TTC7A: variants seen among roughly 807,000 people sequenced by gnomAD.
TTC7A encodes the protein tetratricopeptide repeat domain 7A.
A neutral mutation model predicts 103.7 loss-of-function variants in TTC7A; 110 were observed. The ratio of observed to expected loss-of-function variants is 1.06; its 90% CI spans 0.91 to 1.24. The LOEUF is 1.24. Among genes scored for constraint, TTC7A ranks in the 50% most tolerant of loss-of-function variants. The pLI is 0.00. For synonymous variants in TTC7A, 521 were observed against 467.9 expected, an observed-to-expected ratio of 1.11 and a Z score of -1.47; for missense variants, 1,340 against 1,116.3, an observed-to-expected ratio of 1.20 and a Z score of -2.86.
At chr2:47,062,828 C>T (rs1308856375) in intron 19 of TTC7A, among the ~76,000 whole-genome samples, 1 of 152,200 alleles carries the variant, frequency 6.6e-6, no homozygotes, top group Non-Finnish European at 1.5e-5. Flanking sequence ...GCAGATGTTT[C>T]TGAAATGGTC....
At chr2:46,982,971 AAAAT>A (rs1249050009) in intron 5 of TTC7A, among the ~76,000 whole-genome samples, 1 of 152,186 alleles carries the variant, frequency 6.6e-6, no homozygotes, top group African/African-American at 2.4e-5. Flanking sequence ...CTCTCTCAAA[AAAAT>A]AAATAAATAA....
chr2:47,008,814 G>A (rs1458909908), intron 10 of TTC7A, among the ~76,000 whole-genome samples: 4 of 151,994 alleles, frequency 2.6e-5, no homozygotes, highest in Non-Finnish European at 2.9e-5. Flanking sequence ...AGGAATAATG[G>A]ATGAGTTCCG....
intron 8 of TTC7A, among the ~76,000 whole-genome samples, chr2:46,996,963 G>A (rs1177786175): frequency 1.4e-5 from 2 of 144,446 alleles, no homozygotes; most frequent in African/African-American, 5.2e-5. Flanking sequence ...TTTTTTTGTG[G>A]TGGTTGTTGT....
intron 18 of TTC7A, among the ~76,000 whole-genome samples, chr2:47,053,310 TG>T (rs1683023979): frequency 6.6e-6 from 1 of 152,160 alleles, no homozygotes; most frequent in African/African-American, 2.4e-5. Flanking sequence ...AAGATTCTAA[TG>T]ACTTCTAAGA....
rs202044972 is a variant in TTC7A, at chr2:47,073,861, G to A, written c.2515G>A (p.Ala839Thr). The A allele has an allele frequency of 1.2e-5, 19 of 1,613,650 alleles. No individual in the cohort carries two copies. The highest frequency in any genetic ancestry group is 6.7e-5 in the East Asian group (3 of 44,870). Residue 839 changes from alanine to threonine, a missense_variant, in exon 20 of 20, where the codon GCC becomes ACC. By Grantham distance (58) the Ala-to-Thr change is moderately conservative. Coordinates refer to ENST00000319190, the MANE Select transcript of TTC7A (RefSeq NM_020458.4). ...GGCTGCCGTTGACTGCTTCCTCACC[G>A]CCCTTGAGCTGGAGGCCAGCAGCCC... ...NEAAVDCFLTALELEASSPVL... is the reference protein window; with the variant it reads ...NEAAVDCFLTTLELEASSPVL...
intron 3 of TTC7A, among the ~76,000 whole-genome samples, chr2:46,960,025 C>T (rs768193298): frequency 2.0e-5 from 3 of 152,182 alleles, no homozygotes; most frequent in Non-Finnish European, 4.4e-5. Flanking sequence ...GTTTCCATGT[C>T]CAGGTGGTCT....
At chr2:47,055,153 C>G (rs1683214886) in intron 18 of TTC7A, among the ~76,000 whole-genome samples, 1 of 152,084 alleles carries the variant, frequency 6.6e-6, no homozygotes, top group Admixed American at 6.5e-5. Context: ...CATCCCCCCG[C>G]CAAACCCTGC....
At chr2:47,052,128 C>T (rs530027956) in intron 18 of TTC7A, among the ~76,000 whole-genome samples, 2 of 152,284 alleles carry the variant, frequency 1.3e-5, no homozygotes, top group Admixed American at 6.5e-5. Context: ...CCTGAGAGGC[C>T]ACACAGATGG....
At chr2:47,004,980 C>T (rs1677220984) in intron 8 of TTC7A, among the ~76,000 whole-genome samples, 1 of 152,136 alleles carries the variant, frequency 6.6e-6, no homozygotes, top group Admixed American at 6.5e-5. Context: ...TGATGGGGAG[C>T]TTCTGGCTTG....
chr2:47,029,335 G>T lies in TTC7A; in HGVS notation c.1753G>T (p.Ala585Ser). 1 of 1,614,072 alleles carries T rather than the reference G, an allele frequency of 6.2e-7. No homozygotes were observed. Among genetic ancestry groups the T allele is most frequent in the Non-Finnish European group, 8.5e-7 (1 of 1,180,036 alleles). Residue 585 changes from alanine (A) to serine (S), a missense_variant, in exon 15 of 20, where the codon GCC becomes TCC. By Grantham distance (99) the Ala-to-Ser change is moderately conservative (BLOSUM62 1). Transcript: ENST00000319190. ...LFSAQKHHQH[A>S]LDVVNMAITE... ...CTCTGCCCAGAAGCACCACCAGCAT[G>T]CCCTGGATGTTGTCAACATGGCCAT...
chr2:47,064,404 T>C (rs560506018), intron 19 of TTC7A, among the ~76,000 whole-genome samples: 8 of 152,348 alleles, frequency 5.3e-5, no homozygotes, highest in Non-Finnish European at 1.2e-4. Context: ...CTGAATTCAC[T>C]GGCAGAAAAT....
intron 1 of TTC7A, among the ~76,000 whole-genome samples, chr2:46,948,907 T>C (rs867715846): frequency 1.3e-5 from 2 of 152,178 alleles, no homozygotes; most frequent in African/African-American, 4.8e-5. Flanking sequence ...CAAGCAGGCA[T>C]TCCTAGGGAT....
rs576989770 is a variant in TTC7A, at chr2:47,075,701, A to T, written c.*1778A>T. On this transcript the variant is annotated 3_prime_UTR_variant, in exon 20 of 20. Coordinates refer to ENST00000319190, the MANE Select transcript of TTC7A (RefSeq NM_020458.4). ...AAGACCTGGGCCCACCTGGGGAGGG[A>T]TGTGGGAAAGGAAGGATGGGAGGGA... is the stretch of plus-strand genomic sequence containing the variant. 3 of 152,380 alleles carry T rather than the reference A, an allele frequency of 2.0e-5. No homozygotes were observed. The highest frequency in any genetic ancestry group is 4.8e-5 in the African/African-American group (2 of 41,516). 9.4% of individuals were successfully genotyped at this position (152,380 alleles called of 1,614,324 possible). A position where few individuals can be genotyped will look rare whatever the true frequency, so the allele number is the denominator to read the frequency against.
intron 3 of TTC7A, 111 bp from the exon 4 acceptor site, chr2:46,974,862 C>A: frequency 6.8e-7 from 1 of 1,468,332 alleles, no homozygotes; most frequent in Non-Finnish European, 9.3e-7. Context: ...CTCCTCCTGG[C>A]TGCACCAGAG....
exon 1 of TTC7A, chr2:46,916,404 C>A (rs1301882199): frequency 1.3e-5 from 2 of 152,730 alleles, no homozygotes. Context: ...AGTTCAAATA[C>A]CATCTTCCAT....
intron 18 of TTC7A, among the ~76,000 whole-genome samples, chr2:47,060,077 G>T (rs997155166): frequency 2.6e-5 from 4 of 152,152 alleles, no homozygotes; most frequent in Non-Finnish European, 5.9e-5. Context: ...AGGATTGCTT[G>T]AGCCCAAGAG....
chr2:47,069,952 G>T (rs1684523660), intron 19 of TTC7A, among the ~76,000 whole-genome samples: 3 of 145,034 alleles, frequency 2.1e-5, no homozygotes, highest in Non-Finnish European at 4.6e-5. Context: ...CCTGAGCTCA[G>T]AAAGAAAATT....
chr2:47,049,577 A>G (rs924962337), intron 16 of TTC7A, among the ~76,000 whole-genome samples: 9 of 152,014 alleles, frequency 5.9e-5, no homozygotes, highest in Non-Finnish European at 1.0e-4. Flanking sequence ...CTAGTGCCCT[A>G]TGAAGACCAG....
intron 11 of TTC7A, among the ~76,000 whole-genome samples, chr2:47,019,170 CT>C (rs1679008948): frequency 6.6e-6 from 1 of 152,160 alleles, no homozygotes; most frequent in Non-Finnish European, 1.5e-5. Flanking sequence ...ATTGATCATA[CT>C]TTTTTTCCTT....
Sources: gnomAD v4.1 joint callset for allele counts (sites outside exome capture counted in the v4.1 genomes callset) on GRCh38, gnomAD v4.1.1 for gene constraint, MANE v1.5 for transcripts, NCBI Gene and HGNC (gene_info 2026-07-23, HGNC 2026-07-21) for gene names.